Variants in PDE4D observed in about 807,000 individuals in gnomAD.
PDE4D encodes the protein 3',5'-cyclic-AMP phosphodiesterase 4D.
PDE4D carries 24 observed loss-of-function variants against 87.4 expected under a neutral mutation model. That is an observed-to-expected ratio of 0.27 (90% CI 0.20 to 0.39). The LOEUF (loss-of-function observed/expected upper bound fraction) is 0.39, where lower values mean the gene tolerates loss of function less well. Among genes scored for constraint, PDE4D ranks in the 10% least tolerant of loss-of-function variants. The probability of loss-of-function intolerance (pLI) is 1.00; values close to 1 mark genes in which losing one functional copy is unlikely to be tolerated. For synonymous variants in PDE4D, 384 were observed against 383.2 expected, an observed-to-expected ratio of 1.00 and a Z score of -0.02; for missense variants, 714 against 1,041.0, an observed-to-expected ratio of 0.69 and a Z score of 4.32.
intron 1 of PDE4D, among the ~76,000 whole-genome samples, chr5:59,340,372 C>A (rs1778508695): frequency 6.6e-6 from 1 of 151,960 alleles, no homozygotes; most frequent in South Asian, 2.1e-4. Flanking sequence ...ATTTTTACAA[C>A]CAGGTGAAAT....
intron 1 of PDE4D, among the ~76,000 whole-genome samples, chr5:59,830,748 CT>C (rs764324161): frequency 3.3e-5 from 5 of 151,996 alleles, no homozygotes; most frequent in African/African-American, 1.2e-4. Context: ...AGTGCACATT[CT>C]TATTTTATGA....
intron 1 of PDE4D, among the ~76,000 whole-genome samples, chr5:59,823,249 G>A (rs997589303): frequency 6.6e-6 from 1 of 152,118 alleles, no homozygotes; most frequent in Middle Eastern, 3.2e-3. Flanking sequence ...CCTGTTTAAT[G>A]CCTTCCTGTA....
intron 1 of PDE4D, among the ~76,000 whole-genome samples, chr5:59,257,865 A>G (rs1392113095): frequency 6.6e-6 from 1 of 151,762 alleles, no homozygotes; most frequent in Non-Finnish European, 1.5e-5. Context: ...GGTGAAGTCC[A>G]CTCTCTCTGA....
chr5:59,532,196 G>A (rs980709942), intron 1 of PDE4D, among the ~76,000 whole-genome samples: 18 of 152,170 alleles, frequency 1.2e-4, no homozygotes, highest in African/African-American at 3.1e-4. Flanking sequence ...GTGCCGTGGC[G>A]TTATCTCAGC....
intron 2 of PDE4D, among the ~76,000 whole-genome samples, chr5:60,091,310 A>G (rs778174343): frequency 7.2e-5 from 11 of 152,338 alleles, no homozygotes; most frequent in Middle Eastern, 3.4e-3. Flanking sequence ...ATCCCATTGA[A>G]AAGCAGAGAA....
At chr5:60,310,183 C>T (rs1754880446) in intron 1 of PDE4D, among the ~76,000 whole-genome samples, 2 of 152,136 alleles carry the variant, frequency 1.3e-5, no homozygotes, top group South Asian at 4.1e-4. Context: ...AATGCAAAGT[C>T]CCCAATCTTG....
intron 1 of PDE4D, among the ~76,000 whole-genome samples, chr5:59,615,095 G>T (rs977306122): frequency 3.9e-5 from 6 of 152,114 alleles, no homozygotes; most frequent in Non-Finnish European, 7.4e-5. Context: ...CTCCCAAACT[G>T]CTGGGATTAC....
intron 1 of PDE4D, among the ~76,000 whole-genome samples, chr5:59,263,544 C>CA (rs1163333702): frequency 6.6e-6 from 1 of 151,824 alleles, no homozygotes; most frequent in Non-Finnish European, 1.5e-5. Flanking sequence ...CTCAAATAGT[C>CA]ATATATACCA....
At chr5:60,356,806 T>C (rs549245199) in intron 1 of PDE4D, among the ~76,000 whole-genome samples, 1 of 152,306 alleles carries the variant, frequency 6.6e-6, no homozygotes, top group South Asian at 2.1e-4. Flanking sequence ...ATTAACGGTA[T>C]ATATCACCAG....
intron 1 of PDE4D, among the ~76,000 whole-genome samples, chr5:59,524,994 C>T (rs751867154): frequency 4.6e-5 from 7 of 152,198 alleles, no homozygotes; most frequent in Non-Finnish European, 8.8e-5. Context: ...ACGGGGCCCT[C>T]GTGGAGAACC....
chr5:60,316,494 T>C (rs141027498), intron 1 of PDE4D, among the ~76,000 whole-genome samples: 4,397 of 152,268 alleles, frequency 0.029, 186 homozygotes, highest in African/African-American at 0.1. Flanking sequence ...TCCTGCCTGA[T>C]TGTCCTGGCC....
chr5:59,753,583 G>A (rs1406961920), intron 1 of PDE4D, among the ~76,000 whole-genome samples: 9 of 152,148 alleles, frequency 5.9e-5, no homozygotes, highest in Admixed American at 5.2e-4. Flanking sequence ...ATTGAACAGA[G>A]GAGAGACACT....
chr5:59,863,577 T>C (rs919342239), intron 1 of PDE4D, among the ~76,000 whole-genome samples: 1 of 152,132 alleles, frequency 6.6e-6, no homozygotes, highest in Admixed American at 6.5e-5. Flanking sequence ...AAACAACCAT[T>C]GGACTGAGTT....
intron 1 of PDE4D, among the ~76,000 whole-genome samples, chr5:59,708,446 TCAAA>T (rs1450899175): frequency 1.3e-5 from 2 of 152,070 alleles, no homozygotes. Context: ...GAGAGAAGAA[TCAAA>T]CAGACATAAT....
At chr5:60,427,607 G>A (rs1453114502) in intron 1 of PDE4D, among the ~76,000 whole-genome samples, 1 of 152,154 alleles carries the variant, frequency 6.6e-6, no homozygotes, top group Non-Finnish European at 1.5e-5. Context: ...CAGATCTACA[G>A]TAAGAAAGAA....
chr5:60,404,295 A>G (rs185572774), intron 1 of PDE4D, among the ~76,000 whole-genome samples: 1 of 152,246 alleles, frequency 6.6e-6, no homozygotes, highest in African/African-American at 2.4e-5. Context: ...GGATAAAAAA[A>G]ATCATCAGAA....
chr5:60,405,658 T>C (rs1035947542), intron 1 of PDE4D, among the ~76,000 whole-genome samples: 4 of 152,246 alleles, frequency 2.6e-5, no homozygotes, highest in African/African-American at 7.2e-5. Flanking sequence ...AATTATAACA[T>C]AGTGGCCTAC....
At chr5:59,053,549 C>G (rs934718318) in intron 5 of PDE4D, among the ~76,000 whole-genome samples, 1 of 151,426 alleles carries the variant, frequency 6.6e-6, no homozygotes, top group Non-Finnish European at 1.5e-5. Flanking sequence ...GTGTGTCCTT[C>G]TGAAGACTTC....
chr5:60,345,395 A>G lies in PDE4D; in HGVS notation c.-90+142547T>C, dbSNP rs142351524. Reference sequence around the variant, plus strand: ...ACACCAACATGGCACATGTATACATATGTAACAAACCTGCATGTTGTGCAC... The same window carrying G: ...ACACCAACATGGCACATGTATACATGTGTAACAAACCTGCATGTTGTGCAC... On this transcript the variant is annotated intron_variant, in intron 1 of 16. Transcript: ENST00000502484. 4.1e-4 allele frequency among the ~76,000 whole-genome samples: 62 copies of G among 152,156 alleles called. No homozygotes were observed. The East Asian group carries it at 0.011, about 27-fold the overall frequency.
Sources: allele counts gnomAD v4.1 joint callset (sites outside exome capture counted in the v4.1 genomes callset), GRCh38; gene constraint gnomAD v4.1.1; transcripts MANE v1.5; gene names NCBI Gene and HGNC (gene_info 2026-07-23, HGNC 2026-07-21).